The following INPP4A variants were observed in gnomAD, a reference collection of about 807,000 sequenced individuals.
The protein encoded by INPP4A is inositol polyphosphate-4-phosphatase type I A.
A neutral mutation model predicts 119.8 loss-of-function variants in INPP4A; 33 were observed. That is an observed-to-expected ratio of 0.28 (90% CI 0.21 to 0.37). INPP4A has a LOEUF of 0.37. Ranked by LOEUF, INPP4A falls within the 10% of genes least tolerant of loss-of-function variation. The probability of loss-of-function intolerance (pLI) is 1.00; values close to 1 mark genes in which losing one functional copy is unlikely to be tolerated. For missense variants in INPP4A, 956 were observed against 1,289.9 expected (o/e 0.74, Z 3.97); for synonymous variants, 496 against 500.7 (o/e 0.99, Z 0.12).
chr2:98,498,217 TG>T (rs1190513192), intron 1 of INPP4A, among the ~76,000 whole-genome samples: 1 of 152,018 alleles, frequency 6.6e-6, no homozygotes, highest in Non-Finnish European at 1.5e-5. Context: ...CATGTGTTGT[TG>T]GGGGGACCCT....
In INPP4A at chr2:98,588,424, C is replaced by T. The variant is rs1700143329; in HGVS notation, c.*816C>T. On this transcript the variant is annotated 3_prime_UTR_variant, in exon 25 of 25. Transcript: ENST00000409851. The stretch of plus-strand genomic sequence containing the variant: ...TTCTCTAGATGTTAATGTAGGGCCT[C>T]AGATGTGGCATGTCAACACTCCCAT... The T allele has an allele frequency of 4.9e-6, 1 of 203,148 alleles. No individual in the cohort carries two copies. The highest frequency in any genetic ancestry group is 2.3e-5 in the African/African-American group (1 of 43,624). 12.6% of individuals were successfully genotyped at this position (203,148 alleles called of 1,614,324 possible).
At position 98,552,816 on chromosome 2, in the gene INPP4A, C is replaced by T. The variant is rs750750130; in HGVS notation, c.1194C>T (p.Tyr398=). The stretch of plus-strand genomic sequence containing the variant: ...CATCTGGCTGCCAGTCCATAATCTA[C>T]ATACCCCAGGATGTTGTCAGAGCCA... ...HTSSGCQSII[Y]IPQDVVRAKE... The change falls in exon 14 of 25, where the codon TAC becomes TAT. Residue 398 remains tyrosine, a synonymous_variant. Transcript: ENST00000409851. 21 of 1,613,628 alleles carry T rather than the reference C, an allele frequency of 1.3e-5. No individual in the cohort carries two copies. The African/African-American group carries it at 2.1e-4, about 16-fold the overall frequency.
At chr2:98,450,088 T>C (rs557732722) in intron 1 of INPP4A, among the ~76,000 whole-genome samples, 1 of 152,300 alleles carries the variant, frequency 6.6e-6, no homozygotes, top group South Asian at 2.1e-4. Context: ...TTTTTAAGTG[T>C]GATGCTTTTT....
chr2:98,527,615 A>G (rs139391563), intron 4 of INPP4A, among the ~76,000 whole-genome samples: 2 of 152,318 alleles, frequency 1.3e-5, no homozygotes, highest in East Asian at 1.9e-4. Context: ...ATTACCTGAG[A>G]TTGACCCTGA....
intron 1 of INPP4A, among the ~76,000 whole-genome samples, chr2:98,491,046 C>T (rs1272308307): frequency 1.3e-5 from 2 of 152,082 alleles, no homozygotes; most frequent in African/African-American, 2.4e-5. Context: ...AAATTCAAAA[C>T]CCAAACTGGG....
At chr2:98,568,466 A>T (rs1696878773) in intron 21 of INPP4A, 105 bp from the exon 22 acceptor site, 2 of 649,158 alleles carry the variant, frequency 3.1e-6, no homozygotes, top group African/African-American at 3.6e-5. Context: ...AGATATGCAT[A>T]GTAAATGTTT....
intron 4 of INPP4A, among the ~76,000 whole-genome samples, chr2:98,525,786 A>G (rs1229572397): frequency 6.6e-6 from 1 of 152,250 alleles, no homozygotes; most frequent in African/African-American, 2.4e-5. Context: ...TGTAACCGCA[A>G]ATTAAAACAC....
intron 1 of INPP4A, among the ~76,000 whole-genome samples, chr2:98,448,257 A>G (rs961220847): frequency 6.6e-6 from 1 of 150,392 alleles, no homozygotes; most frequent in African/African-American, 2.5e-5. Context: ...TTGGGAGGCT[A>G]AGGCATGAGA....
chr2:98,495,064 T>C (rs938143347), intron 1 of INPP4A, among the ~76,000 whole-genome samples: 1 of 152,162 alleles, frequency 6.6e-6, no homozygotes, highest in African/African-American at 2.4e-5. Flanking sequence ...AGCCAAGTCA[T>C]TGAAAAAATA....
intron 1 of INPP4A, among the ~76,000 whole-genome samples, chr2:98,446,135 T>G (rs1448904431): frequency 6.6e-6 from 1 of 152,262 alleles, no homozygotes; most frequent in African/African-American, 2.4e-5. Flanking sequence ...CTGACTCTGG[T>G]TCTTATCTCT....
rs536089066 is a variant in INPP4A, at chr2:98,490,515, T to G, written c.-165-28449T>G. On this transcript the variant is annotated intron_variant, in intron 1 of 24. Transcript: ENST00000409851. Reference sequence around the variant, plus strand: ...GTCCCTGCACCTGTGGTATCATGGTTATATATGGAGATGGAACCCGGGGTT... The same window carrying G: ...GTCCCTGCACCTGTGGTATCATGGTGATATATGGAGATGGAACCCGGGGTT... Among the ~76,000 whole-genome samples, 682 of 150,950 alleles carry G rather than the reference T, an allele frequency of 4.5e-3. 6 individuals are homozygous for G. Among genetic ancestry groups the G allele is most frequent in the African/African-American group, 0.015 (641 of 41,392 alleles).
chr2:98,592,313 G>A lies in INPP4A; in HGVS notation c.*4705G>A, dbSNP rs768835695. The A allele has an allele frequency of 6.6e-6, 1 of 152,548 alleles. No individual in the cohort carries two copies. Among genetic ancestry groups the A allele is most frequent in the Admixed American group, 6.5e-5 (1 of 15,290 alleles). The allele number at this position is 152,548 out of a possible 1,614,324, so 9.4% of individuals were successfully genotyped here. ...CACACGCTCCCTGTGGAACCTGCAG[G>A]GGTGGCAGTGATGACAGAACCAAGG... On this transcript the variant is annotated 3_prime_UTR_variant, in exon 25 of 25. Coordinates refer to ENST00000409851, the MANE Select transcript of INPP4A (RefSeq NM_001134225.2).
intron 1 of INPP4A, among the ~76,000 whole-genome samples, chr2:98,516,793 C>G (rs1230027906): frequency 6.6e-6 from 1 of 152,162 alleles, no homozygotes; most frequent in Admixed American, 6.5e-5. Context: ...AGGAGGAAGA[C>G]AGTTCCCCAT....
chr2:98,587,782 T>C lies in INPP4A; in HGVS notation c.*174T>C, dbSNP rs1316555294. On this transcript the variant is annotated 3_prime_UTR_variant, in exon 25 of 25. Transcript: ENST00000409851. Reference sequence around the variant, plus strand: ...ATGTTTTTTGTTTTTTGGGTTTTTTTCCCCATTGGAATCAATAGGAGGTAA... The same window carrying C: ...ATGTTTTTTGTTTTTTGGGTTTTTTCCCCCATTGGAATCAATAGGAGGTAA... 3.7e-6 allele frequency: 2 copies of C among 541,002 alleles called. No homozygotes were observed. The highest frequency in any genetic ancestry group is 6.3e-6 in the Non-Finnish European group (2 of 319,682). 33.5% of individuals were successfully genotyped at this position (541,002 alleles called of 1,614,324 possible). A position where few individuals can be genotyped will look rare whatever the true frequency, so the allele number is the denominator to read the frequency against.
intron 1 of INPP4A, among the ~76,000 whole-genome samples, chr2:98,487,692 G>C (rs899389551): frequency 1.3e-5 from 2 of 152,222 alleles, no homozygotes; most frequent in African/African-American, 4.8e-5. Flanking sequence ...ACACAGACTG[G>C]ATGGTCTTCC....
intron 24 of INPP4A, among the ~76,000 whole-genome samples, chr2:98,583,625 T>G (rs568186777): frequency 2.6e-5 from 4 of 152,322 alleles, no homozygotes; most frequent in African/African-American, 9.6e-5. Context: ...CCCCATACAC[T>G]GTAGTTTATG....
At chr2:98,478,541 C>T (rs1264949453) in intron 1 of INPP4A, among the ~76,000 whole-genome samples, 1 of 152,168 alleles carries the variant, frequency 6.6e-6, no homozygotes, top group East Asian at 1.9e-4. Context: ...ACCCCTGATC[C>T]CTAGTTAGTG....
At chr2:98,518,485 C>T (rs1196370248) in intron 1 of INPP4A, among the ~76,000 whole-genome samples, 1 of 152,244 alleles carries the variant, frequency 6.6e-6, no homozygotes, top group Admixed American at 6.5e-5. Flanking sequence ...CTGAGTGGGG[C>T]CTGGGGGCCC....
chr2:98,554,380 C>A lies in INPP4A; in HGVS notation c.1457C>A (p.Thr486Asn), dbSNP rs1375139114. Residue 486 changes from threonine to asparagine, a missense_variant, in exon 15 of 25, where the codon ACT becomes AAT. Physicochemically the swap from Thr to Asn is moderately conservative, Grantham distance 65 (BLOSUM62 0). Around this residue, in one of 2 missense-constraint regions of INPP4A, gnomAD observed 652 missense variants for 797.9 expected, o/e 0.82. Coordinates refer to ENST00000409851, the MANE Select transcript of INPP4A (RefSeq NM_001134225.2). The surrounding 1 kb of genome is among the most constrained non-coding windows in gnomAD (Gnocchi z 4.7). ...GCCTCCAAGGCCTCTCCCACTTCGA[C>A]TGAGGAGGAGCAGGTGATGCTTAGA... ...YIASKASPTS[T>N]EEEQVMLRND... is the part of the protein sequence containing the mutation. The A allele has an allele frequency of 1.9e-6, 3 of 1,613,690 alleles. No homozygotes were observed. In the African/African-American group the frequency reaches 4.0e-5, roughly 22 times the overall value.
Sources: allele counts gnomAD v4.1 joint callset (sites outside exome capture counted in the v4.1 genomes callset), GRCh38; gene constraint gnomAD v4.1.1; regional missense constraint gnomAD v4.1.1; non-coding constraint Gnocchi (gnomAD v3.1); transcripts MANE v1.5; gene names NCBI Gene and HGNC (gene_info 2026-07-23, HGNC 2026-07-21).